MAGI1: variants seen among roughly 807,000 people sequenced by gnomAD.
MAGI1 encodes membrane-associated guanylate kinase, WW and PDZ domain-containing protein 1.
In MAGI1, 58 loss-of-function variants were observed where a neutral mutation model predicts 139.9. The observed-to-expected ratio is 0.41, with a 90% CI of 0.34 to 0.52. The LOEUF is 0.52. Among genes scored for constraint, MAGI1 ranks in the 20% least tolerant of loss-of-function variants. MAGI1 has a pLI of 0.12. For synonymous variants in MAGI1, 812 were observed against 737.9 expected (o/e 1.10, Z -1.63); for missense variants, 1,874 against 1,901.6 (o/e 0.99, Z 0.27).
At chr3:65,812,464 T>TCACACACACACACACA (rs1266501515) in intron 1 of MAGI1, among the ~76,000 whole-genome samples, 12 of 93,764 alleles carry the variant, frequency 1.3e-4, no homozygotes, top group African/African-American at 4.3e-4. Context: ...TCTCTCTCTC[T>TCACACACACACACACA]CTCTCACACA....
chr3:65,411,378 C>G (rs1032868705), intron 12 of MAGI1, among the ~76,000 whole-genome samples: 7 of 152,184 alleles, frequency 4.6e-5, no homozygotes, highest in Admixed American at 6.5e-5. Flanking sequence ...ACCCATTCCT[C>G]TTATCAACAG....
intron 1 of MAGI1, among the ~76,000 whole-genome samples, chr3:65,740,197 A>G (rs2035139177): frequency 6.6e-6 from 1 of 152,162 alleles, no homozygotes; most frequent in African/African-American, 2.4e-5. Context: ...AAACACCACA[A>G]ATCAATTTCC....
chr3:66,010,602 G>A (rs141572701), intron 1 of MAGI1, among the ~76,000 whole-genome samples: 23 of 152,278 alleles, frequency 1.5e-4, no homozygotes, highest in African/African-American at 5.1e-4. Flanking sequence ...ATAATGAAAC[G>A]AAGCTTTCTC....
At position 65,530,713 on chromosome 3, in the gene MAGI1, GTATA is replaced by G. The variant is rs759258016; in HGVS notation, c.431-37086_431-37083del. Among the ~76,000 whole-genome samples the G allele has an allele frequency of 1.3e-4, 14 of 110,852 alleles. No individual in the cohort carries two copies. In the Admixed American group the frequency reaches 1.3e-3, roughly 11 times the overall value. 72.7% of individuals were successfully genotyped at this position (110,852 alleles called of 152,430 possible). A position where few individuals can be genotyped will look rare whatever the true frequency, so the allele number is the denominator to read the frequency against. On this transcript the variant is annotated intron_variant, in intron 2 of 22. Coordinates refer to ENST00000402939, the MANE Select transcript of MAGI1 (RefSeq NM_001033057.2). ...TGTATATATATACACATATACACGT[GTATA>G]TATATACACACGTATATATATATGC...
intron 1 of MAGI1, among the ~76,000 whole-genome samples, chr3:65,849,474 T>TATATATATATATCATCAAATATAC (rs2059129667): frequency 2.1e-5 from 3 of 146,082 alleles, no homozygotes; most frequent in Non-Finnish European, 4.5e-5. Context: ...CTTTCATATA[T>TATATATATATATCATCAAATATAC]ATATATATAT....
At chr3:66,012,969 CACTCTAGG>C in intron 1 of MAGI1, among the ~76,000 whole-genome samples, 1 of 152,266 alleles carries the variant, frequency 6.6e-6, no homozygotes, top group South Asian at 2.1e-4. Flanking sequence ...CTCTGAAGCC[CACTCTAGG>C]TCAATAGTTT....
At chr3:65,872,287 T>C (rs1444343017) in intron 1 of MAGI1, among the ~76,000 whole-genome samples, 1 of 152,236 alleles carries the variant, frequency 6.6e-6, no homozygotes, top group African/African-American at 2.4e-5. Flanking sequence ...ATTAAGTAGC[T>C]AGTAAATGGC....
At chr3:65,573,082 C>A (rs560724432) in intron 2 of MAGI1, among the ~76,000 whole-genome samples, 88 of 152,042 alleles carry the variant, frequency 5.8e-4, no homozygotes, top group Middle Eastern at 3.4e-3. Context: ...CCCCAAATAA[C>A]CAGTGTTAAT....
chr3:65,825,995 A>G (rs747823429), intron 1 of MAGI1, among the ~76,000 whole-genome samples: 6 of 152,122 alleles, frequency 3.9e-5, no homozygotes, highest in African/African-American at 7.2e-5. Context: ...TCAAAAAATA[A>G]TAATAATAAA....
intron 2 of MAGI1, among the ~76,000 whole-genome samples, chr3:65,537,875 T>G (rs557507944): frequency 1.1e-3 from 167 of 152,256 alleles, no homozygotes; most frequent in Non-Finnish European, 2.1e-3. Context: ...CCCAACACTT[T>G]GAGAGGCCAA....
intron 1 of MAGI1, among the ~76,000 whole-genome samples, chr3:65,991,008 G>T (rs11131043): frequency 0.045 from 6,891 of 151,914 alleles, 240 homozygotes; most frequent in East Asian, 0.11. Context: ...AGTAAATGAG[G>T]CTGGGCACGG....
chr3:65,505,919 G>A (rs1214694906), intron 2 of MAGI1, among the ~76,000 whole-genome samples: 1 of 152,016 alleles, frequency 6.6e-6, no homozygotes, highest in Non-Finnish European at 1.5e-5. Context: ...TTTAGCTGAG[G>A]CATTGTTACA....
intron 8 of MAGI1, 149 bp from the exon 9 acceptor site, chr3:65,440,161 G>C: frequency 1.1e-6 from 1 of 894,796 alleles, no homozygotes. Context: ...TTAGAAAGAG[G>C]AAATAAAAAT....
At chr3:65,458,337 C>T (rs1435407006) in intron 5 of MAGI1, among the ~76,000 whole-genome samples, 1 of 151,060 alleles carries the variant, frequency 6.6e-6, no homozygotes, top group African/African-American at 2.4e-5. Flanking sequence ...TGTGATAGCT[C>T]TATTTTTAGT....
intron 1 of MAGI1, among the ~76,000 whole-genome samples, chr3:65,952,536 C>T (rs148105632): frequency 2.0e-5 from 3 of 152,240 alleles, no homozygotes; most frequent in East Asian, 3.9e-4. Context: ...CACATAAGGC[C>T]GGGCACGGTG....
At chr3:65,369,175 T>A (rs28655497) in intron 18 of MAGI1, among the ~76,000 whole-genome samples, 4 of 152,086 alleles carry the variant, frequency 2.6e-5, no homozygotes, top group African/African-American at 9.7e-5. Context: ...GCAATGAAGG[T>A]AAGGACTCCC....
intron 2 of MAGI1, among the ~76,000 whole-genome samples, chr3:65,501,712 C>T (rs889966386): frequency 1.3e-5 from 2 of 151,956 alleles, no homozygotes; most frequent in African/African-American, 2.4e-5. Flanking sequence ...AAATGTTTAC[C>T]CCAGAGAAAT....
chr3:65,660,187 C>T (rs1324490472), intron 1 of MAGI1, among the ~76,000 whole-genome samples: 2 of 152,156 alleles, frequency 1.3e-5, no homozygotes, highest in Non-Finnish European at 2.9e-5. Flanking sequence ...GGTAAAAGTT[C>T]ATTGACTTGT....
intron 1 of MAGI1, among the ~76,000 whole-genome samples, chr3:65,931,083 A>C (rs986331385): frequency 5.7e-5 from 8 of 141,454 alleles, no homozygotes; most frequent in African/African-American, 2.0e-4. Context: ...CCCAGGGTAG[A>C]GTGCAGTGGC....
Sources: gnomAD v4.1 joint callset for allele counts (sites outside exome capture counted in the v4.1 genomes callset) on GRCh38, gnomAD v4.1.1 for gene constraint, MANE v1.5 for transcripts, NCBI Gene and HGNC (gene_info 2026-07-23, HGNC 2026-07-21) for gene names.